The following SLC37A2 variants were observed in gnomAD, a reference collection of about 807,000 sequenced individuals.
SLC37A2 encodes solute carrier family 37 member 2.
SLC37A2 carries 59 observed loss-of-function variants against 70.7 expected under a neutral mutation model. That is an observed-to-expected ratio of 0.83 (90% confidence interval 0.68 to 1.04). The LOEUF (loss-of-function observed/expected upper bound fraction) is 1.04. Ranked by LOEUF, SLC37A2 falls within the 50% of genes least tolerant of loss-of-function variation. The pLI is 0.00. For synonymous variants in SLC37A2, 257 were observed against 262.1 expected, an observed-to-expected ratio of 0.98 and a Z score of 0.19; for missense variants, 580 against 658.1, an observed-to-expected ratio of 0.88 and a Z score of 1.30.
intron 1 of SLC37A2, among the ~76,000 whole-genome samples, chr11:125,074,016 C>T (rs1327282385): frequency 1.3e-5 from 2 of 152,230 alleles, no homozygotes; most frequent in Admixed American, 1.3e-4. Flanking sequence ...GCCACGCCAC[C>T]TGAGGCCCCT....
At chr11:125,076,481 G>A (rs1949088731) in intron 1 of SLC37A2, among the ~76,000 whole-genome samples, 1 of 152,218 alleles carries the variant, frequency 6.6e-6, no homozygotes, top group South Asian at 2.1e-4. Context: ...GGTGCTGCCA[G>A]CTGGTCAGAG....
At position 125,088,137 on chromosome 11, in the gene SLC37A2, C is replaced by T. The variant is rs533718570; in HGVS notation, c.*3C>T. The T allele has an allele frequency of 1.0e-4, 161 of 1,551,766 alleles. No homozygotes were observed. Among genetic ancestry groups the T allele is most frequent in the East Asian group, 1.7e-4 (7 of 40,852 alleles). Reference sequence around the variant, plus strand: ...CATGCAGGTATAAAGAAATATGAGGCCCCAATTGGAACAGCAGCATGGAGG... The same window carrying T: ...CATGCAGGTATAAAGAAATATGAGGTCCCAATTGGAACAGCAGCATGGAGG... On this transcript the variant is annotated 3_prime_UTR_variant, in exon 18 of 18. Transcript: ENST00000403796.
In SLC37A2 at chr11:125,085,105, A is replaced by T; in HGVS notation, c.1214A>T (p.Tyr405Phe). The change falls in exon 14 of 18, where the codon TAC becomes TTC. Residue 405 changes from tyrosine to phenylalanine, a missense_variant. Transcript: ENST00000403796. ...TGTGGGGGCCTGGTCAATGGCCCAT[A>T]CGCGCTCATCACCACTGCTGTCTCT... ...IICGGLVNGP[Y>F]ALITTAVSAD... 4.3e-6 allele frequency: 7 copies of T among 1,614,006 alleles called. No homozygotes were observed. The highest frequency in any genetic ancestry group is 5.9e-6 in the Non-Finnish European group (7 of 1,179,966).
At chr11:125,075,795 C>T (rs1021765696) in intron 1 of SLC37A2, among the ~76,000 whole-genome samples, 3 of 152,148 alleles carry the variant, frequency 2.0e-5, no homozygotes, top group African/African-American at 7.2e-5. Flanking sequence ...AGTGTCCTGC[C>T]CTTGGGCTCT....
chr11:125,085,009 G>C, intron 13 of SLC37A2, 57 bp from the exon 14 acceptor site: 2 of 1,597,630 alleles, frequency 1.3e-6, no homozygotes, highest in Non-Finnish European at 1.7e-6. Flanking sequence ...TCCTGCCTTG[G>C]GGTTGGGGCT....
At chr11:125,065,004 AG>A (rs1948967657) in intron 1 of SLC37A2, among the ~76,000 whole-genome samples, 1 of 152,242 alleles carries the variant, frequency 6.6e-6, no homozygotes, top group South Asian at 2.1e-4. Context: ...ATTCATTTAT[AG>A]GTTAGGAATA....
At chr11:125,074,537 T>G (rs1373559093) in intron 1 of SLC37A2, among the ~76,000 whole-genome samples, 3 of 141,460 alleles carry the variant, frequency 2.1e-5, no homozygotes, top group African/African-American at 8.0e-5. Context: ...AAAAGGGCCA[T>G]GGAGCAGATA....
At chr11:125,067,785 A>AC (rs140098058) in intron 1 of SLC37A2, among the ~76,000 whole-genome samples, 4,299 of 152,302 alleles carry the variant, frequency 0.028, 201 homozygotes, top group African/African-American at 0.098. Context: ...CTACAAACCT[A>AC]AAATGTATCC....
At chr11:125,069,825 T>G (rs1207356537) in intron 1 of SLC37A2, among the ~76,000 whole-genome samples, 1 of 152,240 alleles carries the variant, frequency 6.6e-6, no homozygotes, top group Non-Finnish European at 1.5e-5. Flanking sequence ...CAGGAAGATG[T>G]TGCTCTCCTC....
At chr11:125,064,064 C>A (rs1172691298) in intron 1 of SLC37A2, among the ~76,000 whole-genome samples, 1 of 152,210 alleles carries the variant, frequency 6.6e-6, no homozygotes, top group East Asian at 1.9e-4. Context: ...GGGGTTTCAG[C>A]CACTCTTCCT....
At chr11:125,078,142 A>C (rs1949110389) in intron 4 of SLC37A2, among the ~76,000 whole-genome samples, 1 of 152,202 alleles carries the variant, frequency 6.6e-6, no homozygotes, top group Non-Finnish European at 1.5e-5. Context: ...GGCGGTGCAG[A>C]TGGAGACCTG....
Position 125,083,700 on chromosome 11 carries a change from T to C in SLC37A2, c.977-115T>C. The C allele has an allele frequency of 1.1e-6, 1 of 943,476 alleles. No individual in the cohort carries two copies. The highest frequency in any genetic ancestry group is 1.7e-6 in the Non-Finnish European group (1 of 591,662). 58.4% of individuals were successfully genotyped at this position (943,476 alleles called of 1,614,324 possible). A position where few individuals can be genotyped will look rare whatever the true frequency, so the allele number is the denominator to read the frequency against. On this transcript the variant is annotated intron_variant, in intron 10 of 17. Coordinates refer to ENST00000403796, the MANE Select transcript of SLC37A2 (RefSeq NM_001145290.2). This position sits in a 1 kb window ranked among gnomAD's most constrained non-coding sequence, Gnocchi z 4.6. ...AGCCTGCTCCACAGGTCCCCAGCTC[T>C]TCCTCGGAAAAGGGGGCAGTGGTCT...
chr11:125,078,395 A>G (rs1591631537), intron 4 of SLC37A2, among the ~76,000 whole-genome samples: 1 of 152,248 alleles, frequency 6.6e-6, no homozygotes, highest in Non-Finnish European at 1.5e-5. Flanking sequence ...GAGGTGGATG[A>G]GACTGGTCAT....
chr11:125,082,119 G>T, intron 9 of SLC37A2, 125 bp from the exon 10 acceptor site: 1 of 1,057,542 alleles, frequency 9.5e-7, no homozygotes, highest in South Asian at 1.4e-5. Flanking sequence ...GACTGGATGT[G>T]TTGGAGGCTG....
rs547132012 is a variant in SLC37A2 at position 125,086,112 on chromosome 11, C to T, written c.1490+94C>T. On this transcript the variant is annotated intron_variant, in intron 17 of 17. Transcript: ENST00000403796. ...GTTTCTCCAAACGCAGGCTGAGGCT[C>T]GACCAGCCCAGACCTGAGGAGCACT... 9 of 1,537,518 alleles carry T rather than the reference C, an allele frequency of 5.9e-6. No individual in the cohort carries two copies. The East Asian group carries it at 6.7e-5, about 12-fold the overall frequency.
At position 125,063,575 on chromosome 11, in the gene SLC37A2, A is replaced by G; in HGVS notation, c.59+149A>G. ...GGGGGACTTGGTCCCGAGCTCCTCC[A>G]GCGGCGCCCGCCTCGGAGGTTGATA... is the stretch of plus-strand genomic sequence containing the variant. On this transcript the variant is annotated intron_variant, in intron 1 of 17. Coordinates refer to ENST00000403796, the MANE Select transcript of SLC37A2 (RefSeq NM_001145290.2). This position sits in a 1 kb window ranked among gnomAD's most constrained non-coding sequence, Gnocchi z 5.4. The G allele has an allele frequency of 4.3e-6, 3 of 691,364 alleles. No individual in the cohort carries two copies. The highest frequency in any genetic ancestry group is 6.9e-6 in the Non-Finnish European group (3 of 436,812). 42.8% of individuals were successfully genotyped at this position (691,364 alleles called of 1,614,324 possible).
chr11:125,081,861 C>T lies in SLC37A2; in HGVS notation c.840C>T (p.Cys280=), dbSNP rs751379723. The T allele has an allele frequency of 1.1e-5, 17 of 1,613,642 alleles. No homozygotes were observed. In the African/African-American group the frequency reaches 1.2e-4, roughly 11 times the overall value. ...TGGCCAAATGCTCCAAGGGGCCATG[C>T]GAAGAGCCTGCTGCCATCAGCTTCT... is the stretch of plus-strand genomic sequence containing the variant. ...ETVAKCSKGP[C]EEPAAISFFG... is the part of the protein sequence containing the mutation. Residue 280 remains cysteine (C), a synonymous_variant, in exon 9 of 18, where the codon TGC becomes TGT. Transcript: ENST00000403796.
intron 1 of SLC37A2, among the ~76,000 whole-genome samples, chr11:125,075,895 C>A (rs1191868790): frequency 1.3e-5 from 2 of 152,168 alleles, no homozygotes; most frequent in African/African-American, 4.8e-5. Flanking sequence ...TGGGTCTCGC[C>A]TAACTCCTGG....
intron 6 of SLC37A2, 47 bp downstream of exon 6, chr11:125,079,807 G>A (rs1320566215): frequency 6.9e-7 from 1 of 1,459,158 alleles, no homozygotes; most frequent in Non-Finnish European, 9.5e-7. Flanking sequence ...GGAGGGCTGG[G>A]GGTCCTGAGC....
Sources: gnomAD v4.1 joint callset for allele counts (sites outside exome capture counted in the v4.1 genomes callset) on GRCh38, gnomAD v4.1.1 for gene constraint, Gnocchi (gnomAD v3.1) non-coding constraint, MANE v1.5 for transcripts, NCBI Gene and HGNC (gene_info 2026-07-23, HGNC 2026-07-21) for gene names.